The following HSPA9 variants were observed in gnomAD, a reference collection of about 807,000 sequenced individuals.
HSPA9 encodes the protein heat shock protein family A (Hsp70) member 9.
Under a neutral mutation model 81.5 loss-of-function variants are expected in HSPA9, and 28 were observed. The ratio of observed to expected loss-of-function variants is 0.34; its 90% CI spans 0.25 to 0.47. HSPA9 has a LOEUF of 0.47. HSPA9 is among the 20% of genes least tolerant of loss of function. The pLI is 1.00. For missense variants in HSPA9, 678 were observed against 838.0 expected (o/e 0.81, Z 2.36); for synonymous variants, 293 against 290.4 (o/e 1.01, Z -0.09).
In HSPA9 at chr5:138,555,430, G is replaced by A. The variant is rs1750499215; in HGVS notation, c.*607C>T. 6.5e-6 allele frequency: 1 copy of A among 153,450 alleles called. No individual in the cohort carries two copies. Among genetic ancestry groups the A allele is most frequent in the Non-Finnish European group, 1.5e-5 (1 of 68,940 alleles). The allele number at this position is 153,450 out of a possible 1,614,324, so 9.5% of individuals were successfully genotyped here. ...TGTAGGTGCCAGACACAGGGCAGAA[G>A]GTAGCTAGAAAAGTATGCCTTAGGG... On this transcript the variant is annotated 3_prime_UTR_variant, in exon 17 of 17. Coordinates refer to ENST00000297185, the MANE Select transcript of HSPA9 (RefSeq NM_004134.7).
intron 9 of HSPA9, among the ~76,000 whole-genome samples, chr5:138,565,629 C>T (rs1396571134): frequency 6.6e-6 from 1 of 152,162 alleles, no homozygotes; most frequent in Non-Finnish European, 1.5e-5. Flanking sequence ...CTGGAGCTAA[C>T]CAAACTGACA....
At chr5:138,566,528 A>C in intron 9 of HSPA9, 98 bp downstream of exon 9, 2 of 899,078 alleles carry the variant, frequency 2.2e-6, no homozygotes, top group African/African-American at 1.6e-5. Context: ...AACAAAAAAA[A>C]CTCAACTGAC....
rs750023663 is a variant in HSPA9, at chr5:138,556,036, A to T, written c.*1T>A. 2.5e-6 allele frequency: 4 copies of T among 1,608,698 alleles called. No individual in the cohort carries two copies. The highest frequency in any genetic ancestry group is 3.4e-6 in the Non-Finnish European group (4 of 1,175,300). On this transcript the variant is annotated 3_prime_UTR_variant, in exon 17 of 17. Coordinates refer to ENST00000297185, the MANE Select transcript of HSPA9 (RefSeq NM_004134.7). Reference sequence around the variant, plus strand: ...TTCTGGCTTCAAAATTTCTGCTATTATTACTGTTTTTCCTCCTTTTGATCT... The same window carrying T: ...TTCTGGCTTCAAAATTTCTGCTATTTTTACTGTTTTTCCTCCTTTTGATCT...
chr5:138,557,105 A>G (rs1750545400), intron 14 of HSPA9: 1 of 608,576 alleles, frequency 1.6e-6, no homozygotes, highest in Non-Finnish European at 2.9e-6. Flanking sequence ...CTGCAAACAT[A>G]AGGTATAAAC....
At chr5:138,563,327 A>G (rs1446488043) in intron 9 of HSPA9, among the ~76,000 whole-genome samples, 2 of 152,206 alleles carry the variant, frequency 1.3e-5, no homozygotes, top group African/African-American at 2.4e-5. Flanking sequence ...TTCAAAACCC[A>G]TATTTGGCTA....
At position 138,556,011 on chromosome 5, in the gene HSPA9, T is replaced by A; in HGVS notation, c.*26A>T. On this transcript the variant is annotated 3_prime_UTR_variant, in exon 17 of 17. Coordinates refer to ENST00000297185, the MANE Select transcript of HSPA9 (RefSeq NM_004134.7). ...CACTCCTAAGCTTCATATGTTGTCC[T>A]TCTGGCTTCAAAATTTCTGCTATTA... The A allele has an allele frequency of 2.6e-6, 4 of 1,553,374 alleles. No individual in the cohort carries two copies. Among genetic ancestry groups the A allele is most frequent in the Non-Finnish European group, 3.6e-6 (4 of 1,125,120 alleles).
intron 7 of HSPA9, 134 bp downstream of exon 7, chr5:138,567,321 G>A: frequency 1.0e-6 from 1 of 994,280 alleles, no homozygotes; most frequent in Non-Finnish European, 1.5e-6. Flanking sequence ...AGAAAAGAAT[G>A]GTTTTGAAAT....
rs758328370 is a variant in HSPA9 at position 138,569,096 on chromosome 5, A to C, written c.411-47T>G. On this transcript the variant is annotated intron_variant, in intron 4 of 16. Coordinates refer to ENST00000297185, the MANE Select transcript of HSPA9 (RefSeq NM_004134.7). Reference sequence around the variant, plus strand: ...TTAGAGAAAACTACCTGAACAACTTACCATGACAAAATTACCACATACCAT... The same window carrying C: ...TTAGAGAAAACTACCTGAACAACTTCCCATGACAAAATTACCACATACCAT... 7 of 1,592,724 alleles carry C rather than the reference A, an allele frequency of 4.4e-6. No homozygotes were observed. In the Admixed American group the frequency reaches 1.2e-4, roughly 27 times the overall value.
At chr5:138,570,328 A>T (rs1750851950) in intron 4 of HSPA9, among the ~76,000 whole-genome samples, 1 of 152,122 alleles carries the variant, frequency 6.6e-6, no homozygotes, top group Admixed American at 6.5e-5. Context: ...GGGGAAGAAA[A>T]AAGAAAAATC....
intron 1 of HSPA9, chr5:138,574,788 A>G (rs1205721391): frequency 5.7e-6 from 1 of 176,760 alleles, no homozygotes; most frequent in Non-Finnish European, 1.2e-5. Context: ...ATTTTGAGAA[A>G]ATGTTGCTAA....
intron 9 of HSPA9, among the ~76,000 whole-genome samples, chr5:138,563,361 C>A (rs1216382706): frequency 6.6e-6 from 1 of 152,202 alleles, no homozygotes; most frequent in Non-Finnish European, 1.5e-5. Context: ...ACTCTAAACA[C>A]TAAAAGCTAA....
At position 138,561,689 on chromosome 5, in the gene HSPA9, A is replaced by C; in HGVS notation, c.1073T>G (p.Leu358Arg). Residue 358 changes from leucine to arginine, a missense_variant, in exon 10 of 17, where the codon CTA (leucine) becomes CGA (arginine). Physicochemically the swap from Leu to Arg is moderately radical, Grantham distance 102. Around this residue, in one of 4 missense-constraint regions of HSPA9, gnomAD observed 484 missense variants for 647.5 expected, o/e 0.75. Coordinates refer to ENST00000297185, the MANE Select transcript of HSPA9 (RefSeq NM_004134.7). ...RAQFEGIVTD[L>R]IRRTIAPCQK... ...GCATGGAGCGATAGTCCTTCTGATT[A>C]GATCAGTGACAATCCCTTCAAATTG... 1 of 1,614,160 alleles carries C rather than the reference A, an allele frequency of 6.2e-7. No individual in the cohort carries two copies. Among genetic ancestry groups the C allele is most frequent in the Non-Finnish European group, 8.5e-7 (1 of 1,179,970 alleles).
intron 5 of HSPA9, among the ~76,000 whole-genome samples, chr5:138,568,505 C>G (rs1750814044): frequency 6.6e-6 from 1 of 152,104 alleles, no homozygotes; most frequent in East Asian, 1.9e-4. Context: ...GAAACTCTGT[C>G]TCAAAAAACA....
At position 138,575,247 on chromosome 5, in the gene HSPA9, GGCGGCCGTAGGGCCCCGGGAGGCT is replaced by G. The variant is rs1447361680; in HGVS notation, c.48_71del (p.Ala17_Ala24del). 1.9e-6 allele frequency: 3 copies of G among 1,603,506 alleles called. No individual in the cohort carries two copies. The highest frequency in any genetic ancestry group is 2.6e-6 in the Non-Finnish European group (3 of 1,176,084). ...GGTCCCAGTTCCTCACCTGGTGGCG[GGCGGCCGTAGGGCCCCGGGAGGCT>G]GCGGCGCCCACGAGACGGGCTGCTG... On this transcript the variant is annotated inframe_deletion, in exon 1 of 17. Transcript: ENST00000297185.
rs909799585 is a variant in HSPA9 at position 138,554,953 on chromosome 5, C to G, written c.*1084G>C. 2 of 152,180 alleles carry G rather than the reference C, an allele frequency of 1.3e-5. No homozygotes were observed. The highest frequency in any genetic ancestry group is 2.9e-5 in the Non-Finnish European group (2 of 68,030). The allele number at this position is 152,180 out of a possible 1,614,324, so 9.4% of individuals were successfully genotyped here. On this transcript the variant is annotated 3_prime_UTR_variant, in exon 17 of 17. Transcript: ENST00000297185. ...GTATCTTAGGACTTATTTCTAGATG[C>G]AGTTTCTTTAATGTAAGCCAATTCT... is the stretch of plus-strand genomic sequence containing the variant.
In HSPA9 at chr5:138,555,190, A is replaced by G. The variant is rs545939942; in HGVS notation, c.*847T>C. On this transcript the variant is annotated 3_prime_UTR_variant, in exon 17 of 17. Transcript: ENST00000297185. ...TGCTGATACTGCTCATTATTTCATT[A>G]TAACAGCCCTTCCAAATCTTGAATT... The G allele has an allele frequency of 1.2e-3, 178 of 152,316 alleles. 1 individual carries two copies. The highest frequency in any genetic ancestry group is 3.7e-3 in the African/African-American group (153 of 41,568). The allele number at this position is 152,316 out of a possible 1,614,324, so 9.4% of individuals were successfully genotyped here.
rs1750562715 is a variant in HSPA9 at position 138,557,883 on chromosome 5, C to T, written c.1619G>A (p.Gly540Glu). ...AGGTGACTTACTCTGCTGCTCACGT[C>T]CTGTGCCTTTATCTTTAGCAGAAAC... The part of the protein sequence containing the change: ...VHVSAKDKGT[G>E]REQQIVIQSS... The change falls in exon 13 of 17, where the codon GGA becomes GAA. Residue 540 changes from glycine to glutamate, a missense_variant. By Grantham distance (98) the Gly-to-Glu change is moderately conservative. This residue lies in a region of HSPA9 where 484 missense variants were observed against 647.5 expected (regional missense o/e 0.75). Transcript: ENST00000297185. 1 of 1,606,440 alleles carries T rather than the reference C, an allele frequency of 6.2e-7. No homozygotes were observed. The highest frequency in any genetic ancestry group is 1.7e-5 in the Admixed American group (1 of 59,976).
In HSPA9 at chr5:138,561,803, G is replaced by C. The variant is rs779831930; in HGVS notation, c.973-14C>G. 1 of 1,587,328 alleles carries C rather than the reference G, an allele frequency of 6.3e-7. No individual in the cohort carries two copies. Among genetic ancestry groups the C allele is most frequent in the South Asian group, 1.1e-5 (1 of 90,536 alleles). On this transcript the variant is annotated splice_polypyrimidine_tract_variant and intron_variant, in intron 9 of 16. Transcript: ENST00000297185. ...ATTGATGTCAGTCTGCAAAGGAAAT[G>C]TTTAATTGCATGTCAGCGAGCAGGC... is the stretch of plus-strand genomic sequence containing the variant.
rs778625497 is a variant in HSPA9 at position 138,566,633 on chromosome 5, G to C, written c.965C>G (p.Ser322Cys). 3 of 1,610,870 alleles carry C rather than the reference G, an allele frequency of 1.9e-6. No homozygotes were observed. The highest frequency in any genetic ancestry group is 2.5e-6 in the Non-Finnish European group (3 of 1,177,064). The change falls in exon 9 of 17, where the codon TCT (serine) becomes TGT (cysteine). Residue 322 changes from serine to cysteine, a missense_variant. Physicochemically the swap from Ser to Cys is moderately radical, Grantham distance 112. Around this residue, in one of 4 missense-constraint regions of HSPA9, gnomAD observed 484 missense variants for 647.5 expected, o/e 0.75. Transcript: ENST00000297185. ...AEKAKCELSSSVQTDINLPYL... is the reference protein window; with the variant it reads ...AEKAKCELSSCVQTDINLPYL... Reference sequence around the variant, plus strand: ...GAATTTTCCGTGTCTCACCTGCACAGATGAGGAGAGTTCACATTTAGCCTT... The same window carrying C: ...GAATTTTCCGTGTCTCACCTGCACACATGAGGAGAGTTCACATTTAGCCTT...
Sources: gnomAD v4.1 joint callset for allele counts (sites outside exome capture counted in the v4.1 genomes callset) on GRCh38, gnomAD v4.1.1 for gene constraint, gnomAD v4.1.1 regional missense constraint, MANE v1.5 for transcripts, NCBI Gene and HGNC (gene_info 2026-07-23, HGNC 2026-07-21) for gene names.